IL1RAPL1: variants seen among roughly 807,000 people sequenced by gnomAD.
IL1RAPL1 encodes the protein interleukin 1 receptor accessory protein like 1.
In IL1RAPL1, 3 loss-of-function variants were observed where a neutral mutation model predicts 48.4. The observed-to-expected ratio is 0.06, with a 90% CI of 0.03 to 0.16. IL1RAPL1 has a LOEUF of 0.16. Ranked by LOEUF, IL1RAPL1 falls within the 10% of genes least tolerant of loss-of-function variation. The pLI is 1.00. For missense variants in IL1RAPL1, 349 were observed against 530.6 expected (o/e 0.66, Z 3.36); for synonymous variants, 185 against 187.7 (o/e 0.99, Z 0.12).
At chrX:29,729,316 A>AT (rs1272605005) in intron 6 of IL1RAPL1, among the ~76,000 whole-genome samples, 3 of 109,153 alleles carry the variant, frequency 2.7e-5, no homozygotes, top group Non-Finnish European at 3.8e-5. Context: ...TTAATATTCC[A>AT]TTTTTTTTCA....
At chrX:28,943,211 A>C (rs1301347536) in intron 2 of IL1RAPL1, among the ~76,000 whole-genome samples, 1 of 109,505 alleles carries the variant, frequency 9.1e-6, no homozygotes, top group Non-Finnish European at 1.9e-5. Flanking sequence ...AAAAAAAAAA[A>C]AACTCATCAC....
intron 2 of IL1RAPL1, among the ~76,000 whole-genome samples, chrX:29,220,315 A>G (rs1464637745): frequency 8.9e-6 from 1 of 112,696 alleles, no homozygotes; most frequent in Non-Finnish European, 1.9e-5. Flanking sequence ...GAAGTAAAAG[A>G]TATTTACATG....
chrX:29,504,146 G>A (rs1935304271), intron 5 of IL1RAPL1, among the ~76,000 whole-genome samples: 1 of 110,111 alleles, frequency 9.1e-6, no homozygotes, highest in African/African-American at 3.3e-5. Flanking sequence ...TAGTTTCCAA[G>A]GTTCTTCTTG....
chrX:29,694,939 G>A (rs1483357616), intron 6 of IL1RAPL1, among the ~76,000 whole-genome samples: 1 of 111,174 alleles, frequency 9.0e-6, no homozygotes, highest in Admixed American at 9.6e-5. Flanking sequence ...GGCTCCTTCA[G>A]GGAGACAGTG....
intron 2 of IL1RAPL1, among the ~76,000 whole-genome samples, chrX:29,251,557 A>T (rs1238635766): frequency 1.8e-5 from 2 of 111,669 alleles, no homozygotes; most frequent in Admixed American, 1.9e-4. Flanking sequence ...ATGTTATATT[A>T]TAGGATGTCA....
chrX:28,901,480 T>G (rs1035774398), intron 2 of IL1RAPL1, among the ~76,000 whole-genome samples: 7 of 111,749 alleles, frequency 6.3e-5, no homozygotes, highest in Non-Finnish European at 1.3e-4. Context: ...TTTTCTTGCT[T>G]GTATTGTTGC....
At chrX:28,715,040 A>C (rs1209588843) in intron 1 of IL1RAPL1, among the ~76,000 whole-genome samples, 1 of 112,296 alleles carries the variant, frequency 8.9e-6, no homozygotes, top group African/African-American at 3.2e-5. Flanking sequence ...CTCTGGACCA[A>C]ATGGATCTGA....
chrX:29,815,735 T>A (rs1057163658), intron 6 of IL1RAPL1, among the ~76,000 whole-genome samples: 3 of 111,281 alleles, frequency 2.7e-5, no homozygotes, highest in African/African-American at 6.5e-5. Context: ...TGGCTCTTAT[T>A]TTTAGTTATG....
rs73205760 is a variant in IL1RAPL1 at position 28,607,407 on chromosome X, T to C, written c.-25+19360T>C. 1.0e-3 allele frequency among the ~76,000 whole-genome samples: 113 copies of C among 111,638 alleles called. 1 individual carries two copies. The highest frequency in any genetic ancestry group is 1.9e-3 in the African/African-American group (59 of 30,832). ...TTGTGAATAAATATATTGCCATTTTTTAAAATTGCTCTTTTGTTCTCTCAT... is the reference window on the plus strand; with the variant it reads ...TTGTGAATAAATATATTGCCATTTTCTAAAATTGCTCTTTTGTTCTCTCAT... On this transcript the variant is annotated intron_variant, in intron 1 of 10. Transcript: ENST00000378993.
At chrX:28,962,312 T>G (rs1007041214) in intron 2 of IL1RAPL1, among the ~76,000 whole-genome samples, 2 of 112,110 alleles carry the variant, frequency 1.8e-5, no homozygotes, top group African/African-American at 6.5e-5. Context: ...TCTTTAATAA[T>G]GTTGAAGATC....
intron 5 of IL1RAPL1, among the ~76,000 whole-genome samples, chrX:29,587,658 TA>T (rs1156455918): frequency 8.9e-6 from 1 of 112,019 alleles, no homozygotes; most frequent in Admixed American, 9.5e-5. Context: ...TTTCTCCATT[TA>T]AAAAATAATA....
chrX:28,779,891 C>G (rs1388875899), intron 1 of IL1RAPL1, among the ~76,000 whole-genome samples: 2 of 108,138 alleles, frequency 1.8e-5, no homozygotes, highest in Admixed American at 2.0e-4. Context: ...ATTTACATCA[C>G]TAATTAATGA....
At chrX:29,594,928 T>C (rs1285650852) in intron 5 of IL1RAPL1, among the ~76,000 whole-genome samples, 2 of 111,397 alleles carry the variant, frequency 1.8e-5, no homozygotes, top group Non-Finnish European at 3.8e-5. Flanking sequence ...TGTATCATTC[T>C]TATGCCTTTG....
At chrX:29,055,772 CATT>C (rs1305756635) in intron 2 of IL1RAPL1, among the ~76,000 whole-genome samples, 1 of 111,469 alleles carries the variant, frequency 9.0e-6, no homozygotes, top group Non-Finnish European at 1.9e-5. Flanking sequence ...TTTAAAGATT[CATT>C]GTTTTGTATA....
At chrX:29,022,462 A>T (rs1926393416) in intron 2 of IL1RAPL1, among the ~76,000 whole-genome samples, 1 of 112,226 alleles carries the variant, frequency 8.9e-6, no homozygotes, top group African/African-American at 3.2e-5. Context: ...AAAAATATCA[A>T]ATATGGAAAT....
chrX:29,736,450 G>A (rs1387974265), intron 6 of IL1RAPL1, among the ~76,000 whole-genome samples: 12 of 112,256 alleles, frequency 1.1e-4, no homozygotes, highest in Admixed American at 1.0e-3. Context: ...TTTGGGCTGG[G>A]CGCAGTGGCT....
intron 2 of IL1RAPL1, among the ~76,000 whole-genome samples, chrX:29,069,517 C>T (rs1283066470): frequency 9.1e-6 from 1 of 109,414 alleles, no homozygotes; most frequent in Non-Finnish European, 1.9e-5. Context: ...GTTGCTATTC[C>T]TAATCCATTA....
intron 2 of IL1RAPL1, among the ~76,000 whole-genome samples, chrX:28,839,355 GT>G (rs1357105967): frequency 1.8e-5 from 2 of 109,911 alleles, no homozygotes; most frequent in Admixed American, 9.8e-5. Flanking sequence ...TATTACCTAT[GT>G]TTTTTCTTAT....
In IL1RAPL1 at chrX:29,168,589, A is replaced by G. The variant is rs373319389; in HGVS notation, c.83-114349A>G. Among the ~76,000 whole-genome samples, 19 of 91,434 alleles carry G rather than the reference A, an allele frequency of 2.1e-4. 1 individual carries two copies. In the East Asian group the frequency reaches 4.4e-3, roughly 21 times the overall value. 79.4% of individuals were successfully genotyped at this position (91,434 alleles called of 115,157 possible). Reference sequence around the variant, plus strand: ...TATATATACACACACAATTGTATATATATATTCATATATACAATTGTATAT... The same window carrying G: ...TATATATACACACACAATTGTATATGTATATTCATATATACAATTGTATAT... On this transcript the variant is annotated intron_variant, in intron 2 of 10. Coordinates refer to ENST00000378993, the MANE Select transcript of IL1RAPL1 (RefSeq NM_014271.4).
Sources: gnomAD v4.1 joint callset for allele counts (sites outside exome capture counted in the v4.1 genomes callset) on GRCh38, gnomAD v4.1.1 for gene constraint, MANE v1.5 for transcripts, NCBI Gene and HGNC (gene_info 2026-07-23, HGNC 2026-07-21) for gene names.